The following SERF1B variants were observed in gnomAD, a reference collection of about 807,000 sequenced individuals.
The protein encoded by SERF1B is small EDRK-rich factor 1.
chr5:70,038,618 C>CA (rs563286550), intron 2 of SERF1B, among the ~76,000 whole-genome samples: 256 of 1,298 alleles, frequency 0.2, 2 homozygotes, highest in South Asian at 0.37. Context: ...GACTCCGTCT[C>CA]AAAAAAAAAA....
At chr5:70,035,383 A>ATTTTT (rs763970203) in intron 2 of SERF1B, among the ~76,000 whole-genome samples, 3 of 136,574 alleles carry the variant, frequency 2.2e-5, no homozygotes, top group East Asian at 4.0e-4. Context: ...TATTATTATT[A>ATTTTT]TTTTTTTTTT....
At chr5:70,028,844 G>A (rs1184214606) in intron 2 of SERF1B, among the ~76,000 whole-genome samples, 1 of 148,040 alleles carries the variant, frequency 6.8e-6, no homozygotes, top group Non-Finnish European at 1.5e-5. Context: ...GGGCGCAGTG[G>A]CGGGCGCCTG....
At chr5:70,036,590 AACATAC>A (rs1774187683) in intron 2 of SERF1B, among the ~76,000 whole-genome samples, 1 of 90,136 alleles carries the variant, frequency 1.1e-5, no homozygotes, top group Non-Finnish European at 2.1e-5. Context: ...CCTGTCTCAA[AACATAC>A]ACACACACAC....
At chr5:70,036,477 CTTGGGAGGCTAAA>C (rs1168818705) in intron 2 of SERF1B, among the ~76,000 whole-genome samples, 1 of 88,268 alleles carries the variant, frequency 1.1e-5, no homozygotes, top group African/African-American at 5.4e-5. Context: ...GTCCCAGCTA[CTTGGGAGGCTAAA>C]GTGGGAGGAT....
At position 70,041,924 on chromosome 5, in the gene SERF1B, CTT is replaced by C. The variant is rs763662756; in HGVS notation, c.*200_*201del. On this transcript the variant is annotated 3_prime_UTR_variant, in exon 3 of 3. Transcript: ENST00000380750. The stretch of plus-strand genomic sequence containing the variant: ...TAGGAAACTTAGATGTAACTTAGCA[CTT>C]TTTTTTTTTTTTTTTGAGATGGAGT... 9,780 of 507,738 alleles carry C rather than the reference CTT, an allele frequency of 0.019. No individual in the cohort carries two copies. The highest frequency in any genetic ancestry group is 0.024 in the East Asian group (717 of 29,722). The allele number at this position is 507,738 out of a possible 1,614,324, so 31.5% of individuals were successfully genotyped here.
At chr5:70,028,653 G>A (rs1169012563) in intron 2 of SERF1B, among the ~76,000 whole-genome samples, 5 of 143,206 alleles carry the variant, frequency 3.5e-5, no homozygotes, top group Non-Finnish European at 6.2e-5. Context: ...CGGAGGTTGC[G>A]GTGAGCTGAG....
chr5:70,032,298 C>CT (rs1443890964), intron 2 of SERF1B: 3 of 512,376 alleles, frequency 5.9e-6, no homozygotes, highest in Non-Finnish European at 1.0e-5. Flanking sequence ...AACTTATAGA[C>CT]TTTTCCCTCA....
rs1774268631 is a variant in SERF1B at position 70,041,948 on chromosome 5, GA to G, written c.*209del. 3.3e-6 allele frequency: 2 copies of G among 604,644 alleles called. No homozygotes were observed. The highest frequency in any genetic ancestry group is 5.8e-6 in the Non-Finnish European group (2 of 342,044). 37.5% of individuals were successfully genotyped at this position (604,644 alleles called of 1,614,324 possible). ...ACTTTTTTTTTTTTTTTTTGAGATGGAGTCTCACTCTGTCACCAGACTGGAG... is the reference window on the plus strand; with the variant it reads ...ACTTTTTTTTTTTTTTTTTGAGATGGGTCTCACTCTGTCACCAGACTGGAG... On this transcript the variant is annotated 3_prime_UTR_variant, in exon 3 of 3. Transcript: ENST00000380750.
intron 2 of SERF1B, among the ~76,000 whole-genome samples, chr5:70,036,594 TACACACACACACACAC>T (rs1212936359): frequency 9.4e-6 from 1 of 106,446 alleles, no homozygotes; most frequent in South Asian, 2.6e-4. Context: ...TCTCAAAACA[TACACACACACACACAC>T]ACACACACAC....
chr5:70,030,006 C>CA (rs1253407611), intron 2 of SERF1B: 2 of 282,972 alleles, frequency 7.1e-6, no homozygotes, highest in Non-Finnish European at 1.3e-5. Context: ...CTCAGTCCCC[C>CA]AAAGTGCTGG....
intron 2 of SERF1B, among the ~76,000 whole-genome samples, chr5:70,034,891 A>AAT (rs1319273503): frequency 1.6e-3 from 7 of 4,470 alleles, no homozygotes; most frequent in Admixed American, 3.9e-3. Context: ...GGTATATTGT[A>AAT]ATATATATAT....
intron 2 of SERF1B, among the ~76,000 whole-genome samples, chr5:70,035,383 AT>A (rs763970203): frequency 0.023 from 3,157 of 135,996 alleles, 153 homozygotes; most frequent in African/African-American, 0.081. Flanking sequence ...TATTATTATT[AT>A]TTTTTTTTTT....
intron 2 of SERF1B, among the ~76,000 whole-genome samples, chr5:70,028,539 C>T (rs1197646819): frequency 3.0e-5 from 4 of 133,436 alleles, no homozygotes; most frequent in African/African-American, 5.7e-5. Flanking sequence ...GGTGACAGAG[C>T]GAGACTCCGT....
At chr5:70,036,627 A>ACTCTCTCTCTCTCTCTCTCT (rs1190752176) in intron 2 of SERF1B, among the ~76,000 whole-genome samples, 18 of 50,320 alleles carry the variant, frequency 3.6e-4, no homozygotes, top group African/African-American at 1.0e-3. Context: ...ACACACACAC[A>ACTCTCTCTCTCTCTCTCTCT]CACTCTCTCT....
chr5:70,036,629 A>ACACACACTCT (rs763495681), intron 2 of SERF1B, among the ~76,000 whole-genome samples: 187 of 49,916 alleles, frequency 3.7e-3, no homozygotes, highest in Middle Eastern at 0.01. Context: ...ACACACACAC[A>ACACACACTCT]CTCTCTCTCT....
At chr5:70,036,325 G>A (rs1004741285) in intron 2 of SERF1B, among the ~76,000 whole-genome samples, 3 of 65,402 alleles carry the variant, frequency 4.6e-5, no homozygotes, top group South Asian at 1.0e-3. Flanking sequence ...AATAGCTCAC[G>A]CCTGTAATCC....
At chr5:70,029,382 C>G (rs1378298724) in intron 2 of SERF1B, among the ~76,000 whole-genome samples, 3 of 151,064 alleles carry the variant, frequency 2.0e-5, no homozygotes, top group Non-Finnish European at 4.4e-5. Flanking sequence ...GTGATCCACC[C>G]GCCTCGGCCT....
intron 2 of SERF1B, among the ~76,000 whole-genome samples, chr5:70,036,625 A>ACTCTCTCT (rs1217735761): frequency 2.1e-3 from 107 of 51,390 alleles, no homozygotes; most frequent in African/African-American, 3.8e-3. Flanking sequence ...ACACACACAC[A>ACTCTCTCT]CACACTCTCT....
chr5:70,029,790 A>G (rs1267914381), intron 2 of SERF1B: 7 of 448,968 alleles, frequency 1.6e-5, no homozygotes, highest in Non-Finnish European at 2.7e-5. Context: ...TCTGTGACCC[A>G]GACTGGAGTG....
Sources: gnomAD v4.1 joint callset for allele counts (sites outside exome capture counted in the v4.1 genomes callset) on GRCh38, gnomAD v4.1.1 for gene constraint, MANE v1.5 for transcripts, NCBI Gene and HGNC (gene_info 2026-07-23, HGNC 2026-07-21) for gene names.